SLC2A5: variants seen among roughly 807,000 people sequenced by gnomAD.
SLC2A5 encodes the protein solute carrier family 2 member 5.
SLC2A5 carries 56 observed loss-of-function variants against 50.3 expected under a neutral mutation model. The observed-to-expected ratio is 1.11, with a 90% CI of 0.90 to 1.39. SLC2A5 has a LOEUF of 1.39. Among genes scored for constraint, SLC2A5 ranks in the 40% most tolerant of loss-of-function variants. The pLI is 0.00. For missense variants in SLC2A5, 566 were observed against 650.1 expected, an observed-to-expected ratio of 0.87 and a Z score of 1.41; for synonymous variants, 269 against 281.9, an observed-to-expected ratio of 0.95 and a Z score of 0.46.
chr1:9,047,646 T>G lies in SLC2A5; in HGVS notation c.382A>C (p.Ile128Leu). The G allele has an allele frequency of 6.2e-7, 1 of 1,614,034 alleles. No homozygotes were observed. Among genetic ancestry groups the G allele is most frequent in the Non-Finnish European group, 8.5e-7 (1 of 1,179,932 alleles). ...CCCACCAAAAGTCTGGAAATAATGA[T>G]AAGCTCAAATGATGTGGCGACTCTG... ...CSRVATSFEL[I>L]IISRLLVGIC... Residue 128 changes from isoleucine (I) to leucine (L), a missense_variant, in exon 4 of 12, where the codon ATC becomes CTC. By Grantham distance (5) the Ile-to-Leu change is conservative (BLOSUM62 2). Coordinates refer to ENST00000377424, the MANE Select transcript of SLC2A5 (RefSeq NM_003039.3).
At chr1:9,072,460 C>T (rs962124452), upstream of SLC2A5, 1 of 152,178 alleles carries the variant, frequency 6.6e-6, no homozygotes, top group African/African-American at 2.4e-5. Context: ...GACAAGAGAC[C>T]GCTGGATTTG....
intron 4 of SLC2A5, among the ~76,000 whole-genome samples, chr1:9,043,831 C>T (rs1641368567): frequency 6.6e-6 from 1 of 151,630 alleles, no homozygotes; most frequent in African/African-American, 2.4e-5. Flanking sequence ...AAGTGATTCT[C>T]CTGCCTCAGC....
intron 1 of SLC2A5, among the ~76,000 whole-genome samples, chr1:9,065,265 C>T (rs1642051226): frequency 1.3e-5 from 2 of 152,232 alleles, no homozygotes; most frequent in African/African-American, 4.8e-5. Context: ...ACACTCTCTA[C>T]ATTCATTTTG....
chr1:9,048,957 A>T, intron 3 of SLC2A5: 1 of 350,478 alleles, frequency 2.9e-6, no homozygotes, highest in South Asian at 2.2e-5. Flanking sequence ...GCGCCCAGCC[A>T]TTTTTTTTAA....
chr1:9,075,718 T>G (rs919859923), intron 2 of SLC2A5, among the ~76,000 whole-genome samples: 1 of 152,152 alleles, frequency 6.6e-6, no homozygotes, highest in African/African-American at 2.4e-5. Context: ...TGGAGTGCAA[T>G]GGCATGATCT....
At chr1:9,079,391 C>T (rs535353287) in intron 2 of SLC2A5, among the ~76,000 whole-genome samples, 11 of 152,306 alleles carry the variant, frequency 7.2e-5, no homozygotes, top group Non-Finnish European at 1.0e-4. Flanking sequence ...AGGCAGAAGA[C>T]GTGAAAGCCG....
intron 1 of SLC2A5, among the ~76,000 whole-genome samples, chr1:9,063,411 C>T (rs985642602): frequency 1.3e-5 from 2 of 151,820 alleles, no homozygotes; most frequent in African/African-American, 2.4e-5. Context: ...CTCGCTCTGT[C>T]GCCCAGGCTG....
chr1:9,047,019 G>A (rs1472161772), intron 4 of SLC2A5, among the ~76,000 whole-genome samples: 2 of 151,956 alleles, frequency 1.3e-5, no homozygotes, highest in South Asian at 2.1e-4. Context: ...TGTAAGACAG[G>A]TCTGCTTCCC....
Position 9,057,588 on chromosome 1 carries a change from A to G in SLC2A5, c.153T>C (p.Asn51=). Residue 51 remains asparagine (N), a synonymous_variant, in exon 3 of 12, where the codon AAT becomes AAC. Transcript: ENST00000377424. ...CACCGGTCCTACCATAGTAAGTCTC[A>G]TTGTAAAATTGTTGCATGAGCTAGG... The part of the protein sequence containing the change: ...SPALLMQQFY[N]ETYYGRTGEF... 1 of 1,611,376 alleles carries G rather than the reference A, an allele frequency of 6.2e-7. No individual in the cohort carries two copies. Among genetic ancestry groups the G allele is most frequent in the East Asian group, 2.2e-5 (1 of 44,870 alleles).
chr1:9,040,170 C>A lies in SLC2A5; in HGVS notation c.591G>T (p.Gly197=). ...ANVDGWPILL[G]LTGVPAALQL... ...GCAGCGCCGCGGGGACCCCGGTCAG[C>A]CCCAGCAGGATCGGCCAGCCTGGGA... is the stretch of plus-strand genomic sequence containing the variant. Residue 197 remains glycine, a synonymous_variant, in exon 6 of 12, where the codon GGG becomes GGT. Transcript: ENST00000377424. This position sits in a 1 kb window ranked among gnomAD's most constrained non-coding sequence, Gnocchi z 4.3. 6.4e-7 allele frequency: 1 copy of A among 1,553,848 alleles called. No homozygotes were observed. Among genetic ancestry groups the A allele is most frequent in the Non-Finnish European group, 8.7e-7 (1 of 1,149,904 alleles).
In SLC2A5 at chr1:9,041,917, G is replaced by A. The variant is rs748093098; in HGVS notation, c.439C>T (p.Pro147Ser). 6.2e-7 allele frequency: 1 copy of A among 1,609,108 alleles called. No individual in the cohort carries two copies. Among genetic ancestry groups the A allele is most frequent in the East Asian group, 2.2e-5 (1 of 44,820 alleles). The change falls in exon 5 of 12, where the codon CCC becomes TCC. Residue 147 changes from proline to serine, a missense_variant. Physicochemically the swap from Pro to Ser is moderately conservative, Grantham distance 74. Coordinates refer to ENST00000377424, the MANE Select transcript of SLC2A5 (RefSeq NM_003039.3). ...ICAGVSSNVVPMYLGELAPKN... is the reference protein window; with the variant it reads ...ICAGVSSNVVSMYLGELAPKN... The stretch of plus-strand genomic sequence containing the variant: ...GGGGCCAGCTCCCCTAAGTACATGG[G>A]GACCACGTTGGAAGATACACCTGGG...
intron 1 of SLC2A5, among the ~76,000 whole-genome samples, chr1:9,067,115 C>CT (rs1642103283): frequency 6.6e-6 from 1 of 152,186 alleles, no homozygotes; most frequent in African/African-American, 2.4e-5. Context: ...CGCGCAGCCT[C>CT]TGTAGCCTTC....
chr1:9,051,198 A>G (rs1206581845), intron 3 of SLC2A5, among the ~76,000 whole-genome samples: 1 of 151,940 alleles, frequency 6.6e-6, no homozygotes, highest in Non-Finnish European at 1.5e-5. Context: ...AAAGAAAAAG[A>G]GAAGAAGGAA....
intron 1 of SLC2A5, among the ~76,000 whole-genome samples, chr1:9,063,727 G>T (rs1401782633): frequency 2.1e-5 from 2 of 93,110 alleles, no homozygotes; most frequent in Non-Finnish European, 3.7e-5. Context: ...CGGAGTCTTC[G>T]CTCTGTCGCC....
At chr1:9,077,849 A>T in intron 2 of SLC2A5, among the ~76,000 whole-genome samples, 1 of 151,528 alleles carries the variant, frequency 6.6e-6, no homozygotes, top group South Asian at 2.1e-4. Context: ...GTTGGTCCTG[A>T]TCCAGACCCC....
rs775990072 is a variant in SLC2A5, at chr1:9,040,169, G to A, written c.592C>T (p.Leu198=). ...TGCAGCGCCGCGGGGACCCCGGTCA[G>A]CCCCAGCAGGATCGGCCAGCCTGGG... is the stretch of plus-strand genomic sequence containing the variant. ...NVDGWPILLG[L]TGVPAALQLL... The change falls in exon 6 of 12, where the codon CTG becomes TTG. Residue 198 remains leucine (L), a synonymous_variant. Coordinates refer to ENST00000377424, the MANE Select transcript of SLC2A5 (RefSeq NM_003039.3). The surrounding 1 kb of genome is among the most constrained non-coding windows in gnomAD (Gnocchi z 4.3). 1 of 1,553,920 alleles carries A rather than the reference G, an allele frequency of 6.4e-7. No homozygotes were observed. The highest frequency in any genetic ancestry group is 2.4e-5 in the East Asian group (1 of 41,250).
At position 9,058,211 on chromosome 1, in the gene SLC2A5, C is replaced by T. The variant is rs1641813534; in HGVS notation, c.73G>A (p.Ala25Thr). Residue 25 changes from alanine to threonine, a missense_variant, in exon 2 of 12, where the codon GCC becomes ACC. By Grantham distance (58) the Ala-to-Thr change is moderately conservative. Transcript: ENST00000377424. ...LVLALATLIA[A>T]FGSSFQYGYN... ...CCATACTGGAAGGATGACCCAAAGG[C>T]AGCTATCAGGGTTGCCAGGGCAAGC... 6.2e-7 allele frequency: 1 copy of T among 1,614,022 alleles called. No homozygotes were observed. The highest frequency in any genetic ancestry group is 1.7e-5 in the Admixed American group (1 of 60,004).
At chr1:9,060,130 A>AT (rs1557676029) in intron 1 of SLC2A5, among the ~76,000 whole-genome samples, 1 of 92,384 alleles carries the variant, frequency 1.1e-5, no homozygotes, top group African/African-American at 3.4e-5. Context: ...ACACACACAC[A>AT]ACACACACAC....
At chr1:9,071,449 G>A (rs1024003904), upstream of SLC2A5, among the ~76,000 whole-genome samples, 1 of 152,168 alleles carries the variant, frequency 6.6e-6, no homozygotes, top group Non-Finnish European at 1.5e-5. Context: ...TCCAAAGTTT[G>A]TAGTCATCAG....
Sources: allele counts gnomAD v4.1 joint callset (sites outside exome capture counted in the v4.1 genomes callset), GRCh38; gene constraint gnomAD v4.1.1; non-coding constraint Gnocchi (gnomAD v3.1); transcripts MANE v1.5; gene names NCBI Gene and HGNC (gene_info 2026-07-23, HGNC 2026-07-21).